Variants in DLG2 observed in about 807,000 individuals in gnomAD.
The protein encoded by DLG2 is disks large homolog 2.
A neutral mutation model predicts 132.5 loss-of-function variants in DLG2; 45 were observed. That is an observed-to-expected ratio of 0.34 (90% CI 0.27 to 0.44). The LOEUF is 0.44. Ranked by LOEUF, DLG2 falls within the 20% of genes least tolerant of loss-of-function variation. The pLI is 1.00. For missense variants in DLG2, 1,045 were observed against 1,196.9 expected (o/e 0.87, Z 1.87); for synonymous variants, 424 against 419.6 (o/e 1.01, Z -0.13).
At chr11:84,208,852 T>C (rs1597451027) in intron 8 of DLG2, among the ~76,000 whole-genome samples, 1 of 152,130 alleles carries the variant, frequency 6.6e-6, no homozygotes, top group South Asian at 2.1e-4. Context: ...TAGTGGATGG[T>C]AGAAAGTGGG....
chr11:85,305,760 G>A (rs931899776), intron 3 of DLG2, among the ~76,000 whole-genome samples: 7 of 152,160 alleles, frequency 4.6e-5, no homozygotes, highest in African/African-American at 7.2e-5. Context: ...TGGTCCGCCC[G>A]CCTCGGCTTC....
chr11:85,415,524 G>T (rs1178772507), intron 3 of DLG2, among the ~76,000 whole-genome samples: 2 of 152,120 alleles, frequency 1.3e-5, no homozygotes, highest in Non-Finnish European at 2.9e-5. Flanking sequence ...AGAATCTGTT[G>T]TTTCCTGACT....
chr11:84,759,859 G>T (rs184094142), intron 6 of DLG2, among the ~76,000 whole-genome samples: 17 of 151,806 alleles, frequency 1.1e-4, no homozygotes, highest in Admixed American at 7.2e-4. Context: ...AGGGATCCTG[G>T]TATCTTTAAT....
intron 8 of DLG2, among the ~76,000 whole-genome samples, chr11:84,217,167 C>T (rs1025013412): frequency 1.4e-4 from 22 of 152,186 alleles, no homozygotes; most frequent in Admixed American, 1.2e-3. Flanking sequence ...CAGGTTCTAA[C>T]ACCTCCGAAA....
chr11:85,514,128 A>G (rs2094129783), intron 3 of DLG2, among the ~76,000 whole-genome samples: 1 of 151,946 alleles, frequency 6.6e-6, no homozygotes, highest in South Asian at 2.1e-4. Context: ...ATAATCTATA[A>G]TAATTATAGG....
intron 6 of DLG2, among the ~76,000 whole-genome samples, chr11:85,023,979 C>T (rs1433048595): frequency 1.3e-5 from 2 of 151,950 alleles, no homozygotes; most frequent in Non-Finnish European, 2.9e-5. Context: ...TTTTGGCCAC[C>T]CCACTGTTTT....
intron 6 of DLG2, among the ~76,000 whole-genome samples, chr11:84,573,930 G>T (rs2099492134): frequency 6.6e-6 from 1 of 152,190 alleles, no homozygotes; most frequent in Non-Finnish European, 1.5e-5. Flanking sequence ...AGACAGATGT[G>T]TTGAGAGATT....
intron 6 of DLG2, among the ~76,000 whole-genome samples, chr11:84,672,215 G>A (rs879687753): frequency 3.3e-5 from 5 of 152,114 alleles, no homozygotes; most frequent in Admixed American, 3.3e-4. Flanking sequence ...CAAAGTGGGT[G>A]TCTAGTCTAT....
chr11:85,229,721 C>T (rs145305237), intron 4 of DLG2, among the ~76,000 whole-genome samples: 3,901 of 152,098 alleles, frequency 0.026, 88 homozygotes, highest in East Asian at 0.093. Flanking sequence ...TTCACAATAC[C>T]AAAGACTTGG....
chr11:84,996,063 T>C (rs1201848703), intron 6 of DLG2, among the ~76,000 whole-genome samples: 1 of 152,168 alleles, frequency 6.6e-6, no homozygotes, highest in East Asian at 1.9e-4. Flanking sequence ...GGACAATTTT[T>C]TTTTTCTTTC....
intron 6 of DLG2, among the ~76,000 whole-genome samples, chr11:85,004,170 C>A (rs2058445597): frequency 6.6e-6 from 1 of 152,032 alleles, no homozygotes; most frequent in South Asian, 2.1e-4. Context: ...GAACACTGGG[C>A]AATAAACATA....
At chr11:84,291,980 C>T (rs1361990244) in intron 7 of DLG2, among the ~76,000 whole-genome samples, 4 of 152,134 alleles carry the variant, frequency 2.6e-5, no homozygotes. Context: ...ATTGGTGACA[C>T]ATAATACTGC....
chr11:84,922,219 C>T (rs1269322781), intron 6 of DLG2, among the ~76,000 whole-genome samples: 3 of 151,054 alleles, frequency 2.0e-5, no homozygotes, highest in African/African-American at 4.9e-5. Context: ...GTCTTAACTG[C>T]TTCTTAATTA....
intron 6 of DLG2, among the ~76,000 whole-genome samples, chr11:84,737,504 G>GAC (rs771017436): frequency 2.1e-5 from 3 of 140,614 alleles, no homozygotes; most frequent in Non-Finnish European, 3.0e-5. Flanking sequence ...GAAAGAGACA[G>GAC]AGAGAGAGAG....
intron 18 of DLG2, among the ~76,000 whole-genome samples, chr11:83,707,028 A>G (rs1474493351): frequency 6.6e-6 from 1 of 152,194 alleles, no homozygotes; most frequent in Non-Finnish European, 1.5e-5. Context: ...ATCAAAATCA[A>G]CTCCATGAAG....
At chr11:85,585,153 T>G (rs1311793588) in intron 3 of DLG2, among the ~76,000 whole-genome samples, 1 of 152,218 alleles carries the variant, frequency 6.6e-6, no homozygotes, top group Non-Finnish European at 1.5e-5. Flanking sequence ...TTGAAGTCTT[T>G]GATCCATCTT....
intron 10 of DLG2, among the ~76,000 whole-genome samples, chr11:84,066,287 G>T (rs992403541): frequency 6.6e-6 from 1 of 152,158 alleles, no homozygotes; most frequent in African/African-American, 2.4e-5. Context: ...AGTCTTGTTT[G>T]ATGAAGTACA....
chr11:85,291,989 T>A (rs974677620), intron 3 of DLG2, among the ~76,000 whole-genome samples: 2 of 152,172 alleles, frequency 1.3e-5, no homozygotes, highest in African/African-American at 4.8e-5. Context: ...ACATACCTGC[T>A]TTGAATTCAG....
intron 3 of DLG2, among the ~76,000 whole-genome samples, chr11:85,340,718 C>T (rs1054182846): frequency 1.3e-5 from 2 of 152,158 alleles, no homozygotes; most frequent in East Asian, 1.9e-4. Context: ...TTTATTTATA[C>T]ATCAGATGTC....
Sources: allele counts gnomAD v4.1 joint callset (sites outside exome capture counted in the v4.1 genomes callset), GRCh38; gene constraint gnomAD v4.1.1; transcripts MANE v1.5; gene names NCBI Gene and HGNC (gene_info 2026-07-23, HGNC 2026-07-21).